The following CPQ variants were observed in gnomAD, a reference collection of about 807,000 sequenced individuals.
The protein encoded by CPQ is carboxypeptidase Q.
In CPQ, 37 loss-of-function variants were observed where a neutral mutation model predicts 45.7. That is an observed-to-expected ratio of 0.81 (90% CI 0.62 to 1.07). The LOEUF (loss-of-function observed/expected upper bound fraction) is 1.07, where lower values mean the gene tolerates loss of function less well. Among genes scored for constraint, CPQ ranks in the 50% least tolerant of loss-of-function variants. The pLI is 0.00. For missense variants in CPQ, 537 were observed against 572.9 expected (o/e 0.94, Z 0.64); for synonymous variants, 186 against 205.8 (o/e 0.90, Z 0.82).
chr8:96,872,148 CATA>C (rs1812078668), intron 3 of CPQ, among the ~76,000 whole-genome samples: 1 of 151,880 alleles, frequency 6.6e-6, no homozygotes, highest in Admixed American at 6.6e-5. Flanking sequence ...CTTACATGTA[CATA>C]ATGAGATATC....
At chr8:96,733,658 T>G (rs1563482422) in intron 1 of CPQ, among the ~76,000 whole-genome samples, 1 of 152,194 alleles carries the variant, frequency 6.6e-6, no homozygotes, top group Non-Finnish European at 1.5e-5. Flanking sequence ...ATAATACATT[T>G]AATCCAATAT....
chr8:96,975,838 A>AT (rs1216972558), intron 5 of CPQ, among the ~76,000 whole-genome samples: 3 of 152,130 alleles, frequency 2.0e-5, no homozygotes, highest in Non-Finnish European at 4.4e-5. Flanking sequence ...TAGAAGGGAC[A>AT]TACCTTGAGG....
At chr8:97,053,374 A>G (rs1295530425) in intron 6 of CPQ, among the ~76,000 whole-genome samples, 1 of 152,198 alleles carries the variant, frequency 6.6e-6, no homozygotes, top group Non-Finnish European at 1.5e-5. Flanking sequence ...GATAGAGTAC[A>G]TGAGGAGGGG....
At chr8:96,659,637 T>C (rs1815676220) in intron 1 of CPQ, among the ~76,000 whole-genome samples, 1 of 152,220 alleles carries the variant, frequency 6.6e-6, no homozygotes, top group Non-Finnish European at 1.5e-5. Flanking sequence ...TCATTTCATT[T>C]CCAAACATGC....
At chr8:96,734,143 T>C (rs2130772590) in intron 1 of CPQ, among the ~76,000 whole-genome samples, 1 of 151,962 alleles carries the variant, frequency 6.6e-6, no homozygotes, top group Non-Finnish European at 1.5e-5. Context: ...AGAAAAAGAG[T>C]TATTTGAGAC....
intron 6 of CPQ, among the ~76,000 whole-genome samples, chr8:97,042,993 C>A (rs1337366518): frequency 6.6e-6 from 1 of 151,076 alleles, no homozygotes; most frequent in South Asian, 2.1e-4. Context: ...CTGTAGATGT[C>A]TATTAGGTCC....
intron 2 of CPQ, among the ~76,000 whole-genome samples, chr8:96,788,070 TTTTC>T (rs147790469): frequency 0.11 from 16,943 of 150,886 alleles, 1,001 homozygotes; most frequent in Middle Eastern, 0.18. Context: ...TCTTTTTTTC[TTTTC>T]TTTCTTTCTT....
intron 3 of CPQ, among the ~76,000 whole-genome samples, chr8:96,856,008 C>T (rs1811844351): frequency 6.6e-6 from 1 of 152,132 alleles, no homozygotes; most frequent in African/African-American, 2.4e-5. Flanking sequence ...TGAAAGAAAG[C>T]CAGTGTGACT....
chr8:96,880,114 A>T, intron 4 of CPQ, 109 bp downstream of exon 4: 2 of 920,392 alleles, frequency 2.2e-6, no homozygotes, highest in Non-Finnish European at 3.4e-6. Flanking sequence ...TGGTCCTCAT[A>T]GATTCGTTGA....
intron 5 of CPQ, among the ~76,000 whole-genome samples, chr8:96,997,644 G>GTT (rs2130418603): frequency 6.6e-6 from 1 of 151,904 alleles, no homozygotes; most frequent in South Asian, 2.1e-4. Context: ...TTGATCATAA[G>GTT]ACCATTCTAA....
rs151135983 is a variant in CPQ at position 96,828,935 on chromosome 8, C to T, written c.434-6038C>T. Among the ~76,000 whole-genome samples, 454 of 152,148 alleles carry T rather than the reference C, an allele frequency of 3.0e-3. 1 individual carries two copies. The highest frequency in any genetic ancestry group is 0.01 in the African/African-American group (427 of 41,524). On this transcript the variant is annotated intron_variant, in intron 2 of 7. Coordinates refer to ENST00000220763, the MANE Select transcript of CPQ (RefSeq NM_016134.4). ...GAAAAGTTTGGATTTTAAGGCAATC[C>T]AATTTCTAAGGACCAGAAGCAGTCT... is the stretch of plus-strand genomic sequence containing the variant.
intron 1 of CPQ, among the ~76,000 whole-genome samples, chr8:96,703,268 C>G (rs750910127): frequency 4.6e-5 from 7 of 152,120 alleles, no homozygotes; most frequent in Non-Finnish European, 7.4e-5. Context: ...ATATGTCTTG[C>G]CACCTAAGTT....
chr8:97,017,654 C>A (rs1184627781), intron 5 of CPQ, among the ~76,000 whole-genome samples: 1 of 152,130 alleles, frequency 6.6e-6, no homozygotes, highest in Non-Finnish European at 1.5e-5. Context: ...ACTTCCCTGA[C>A]AACCTGCATT....
intron 5 of CPQ, among the ~76,000 whole-genome samples, chr8:97,019,370 A>G (rs576230195): frequency 1.6e-3 from 245 of 152,326 alleles, no homozygotes; most frequent in Middle Eastern, 0.014. Context: ...ATGGAATGGT[A>G]CCTCACACCT....
At chr8:96,726,957 T>C (rs1168701948) in intron 1 of CPQ, among the ~76,000 whole-genome samples, 1 of 152,182 alleles carries the variant, frequency 6.6e-6, no homozygotes, top group African/African-American at 2.4e-5. Flanking sequence ...AATTACCCAG[T>C]TTCAGGTTTT....
At chr8:96,815,358 A>G (rs560464568) in intron 2 of CPQ, among the ~76,000 whole-genome samples, 7 of 152,204 alleles carry the variant, frequency 4.6e-5, no homozygotes, top group African/African-American at 1.4e-4. Flanking sequence ...ATTTCATCCA[A>G]ACAACATTGC....
chr8:96,791,813 G>T (rs1305931209), intron 2 of CPQ, among the ~76,000 whole-genome samples: 1 of 152,174 alleles, frequency 6.6e-6, no homozygotes, highest in African/African-American at 2.4e-5. Flanking sequence ...CTAACTAGTT[G>T]TGTGACCTTG....
intron 7 of CPQ, among the ~76,000 whole-genome samples, chr8:97,105,160 C>G (rs985498901): frequency 2.0e-5 from 3 of 152,196 alleles, no homozygotes; most frequent in African/African-American, 7.2e-5. Context: ...GTAATGGTCA[C>G]GTGGTATCAC....
chr8:97,048,293 A>G (rs1460327997), intron 6 of CPQ, among the ~76,000 whole-genome samples: 2 of 152,238 alleles, frequency 1.3e-5, no homozygotes, highest in Non-Finnish European at 2.9e-5. Context: ...AAAGGAAAGT[A>G]GCTGTAGGTC....
Sources: gnomAD v4.1 joint callset for allele counts (sites outside exome capture counted in the v4.1 genomes callset) on GRCh38, gnomAD v4.1.1 for gene constraint, MANE v1.5 for transcripts, NCBI Gene and HGNC (gene_info 2026-07-23, HGNC 2026-07-21) for gene names.